DHCR24: variants seen among roughly 807,000 people sequenced by gnomAD.
The protein encoded by DHCR24 is delta(24)-sterol reductase.
DHCR24 carries 28 observed loss-of-function variants against 61.2 expected under a neutral mutation model. That is an observed-to-expected ratio of 0.46 (90% CI 0.34 to 0.63). The LOEUF is 0.63. Ranked by LOEUF, DHCR24 falls within the 20% of genes least tolerant of loss-of-function variation. The pLI is 0.01. For missense variants in DHCR24, 538 were observed against 679.1 expected, an observed-to-expected ratio of 0.79 and a Z score of 2.31; for synonymous variants, 261 against 275.9, an observed-to-expected ratio of 0.95 and a Z score of 0.54.
At chr1:54,861,288 T>A (rs991006005) in intron 6 of DHCR24, among the ~76,000 whole-genome samples, 5 of 152,220 alleles carry the variant, frequency 3.3e-5, no homozygotes, top group African/African-American at 1.2e-4. Context: ...GCTGTTTCCA[T>A]GTGGCAGATC....
intron 4 of DHCR24, 26 bp from the exon 5 acceptor site, chr1:54,871,639 G>C (rs1647000625): frequency 1.2e-6 from 2 of 1,613,976 alleles, no homozygotes; most frequent in African/African-American, 1.3e-5. Context: ...GATGTGTTGT[G>C]AGCTGAAACC....
chr1:54,875,822 T>G, intron 3 of DHCR24, 120 bp downstream of exon 3: 1 of 793,190 alleles, frequency 1.3e-6, no homozygotes, highest in Non-Finnish European at 2.2e-6. Context: ...AGAGACTGAA[T>G]GACTTCTGTC....
rs185051931 is a variant in DHCR24, at chr1:54,878,660, C to G, written c.388-2613G>C. Among the ~76,000 whole-genome samples the G allele has an allele frequency of 1.0e-3, 154 of 151,654 alleles. 3 individuals carry two copies. In the East Asian group the frequency reaches 0.023, roughly 23 times the overall value. On this transcript the variant is annotated intron_variant, in intron 2 of 8. Transcript: ENST00000371269. ...CACTGTGTAGAGTACTCAAAATGAT[C>G]TTGCCTCATAATAAACTCAAGATTA...
At chr1:54,880,787 C>A (rs1372834409) in intron 2 of DHCR24, among the ~76,000 whole-genome samples, 1 of 127,054 alleles carries the variant, frequency 7.9e-6, no homozygotes, top group East Asian at 2.2e-4. Context: ...TATAAACAAA[C>A]AAACAAACAA....
intron 5 of DHCR24, among the ~76,000 whole-genome samples, chr1:54,866,707 C>A (rs1399029609): frequency 6.6e-6 from 1 of 152,208 alleles, no homozygotes; most frequent in Non-Finnish European, 1.5e-5. Flanking sequence ...GGATCTCTGG[C>A]CTCCAGCACT....
chr1:54,886,856 C>G lies in DHCR24; in HGVS notation c.231+33G>C, dbSNP rs754819597. 18 of 1,606,926 alleles carry G rather than the reference C, an allele frequency of 1.1e-5. No homozygotes were observed. In the Admixed American group the frequency reaches 3.0e-4, roughly 27 times the overall value. On this transcript the variant is annotated intron_variant, in intron 1 of 8. Coordinates refer to ENST00000371269, the MANE Select transcript of DHCR24 (RefSeq NM_014762.4). The stretch of plus-strand genomic sequence containing the variant: ...CTATCCCCGCGCACGCCGCCTCCGG[C>G]CCTGAGTCCCGGCCGCACCCGGCGC...
intron 4 of DHCR24, 119 bp downstream of exon 4, chr1:54,874,974 T>C (rs1647018632): frequency 2.3e-6 from 2 of 887,570 alleles, no homozygotes; most frequent in Non-Finnish European, 1.9e-6. Flanking sequence ...TTTACAGATA[T>C]AGACCCAGAC....
intron 6 of DHCR24, among the ~76,000 whole-genome samples, chr1:54,862,233 G>T (rs150520914): frequency 6.6e-6 from 1 of 151,986 alleles, no homozygotes; most frequent in African/African-American, 2.4e-5. Context: ...CCCCACACCC[G>T]CCTCCAGCCA....
chr1:54,879,568 C>T lies in DHCR24; in HGVS notation c.388-3521G>A, dbSNP rs74072043. 5.7e-3 allele frequency among the ~76,000 whole-genome samples: 865 copies of T among 152,196 alleles called. 5 individuals are homozygous for T. Among genetic ancestry groups the T allele is most frequent in the African/African-American group, 0.019 (796 of 41,532 alleles). ...TGTAGAACAACTTGAAATGGCCTAG[C>T]TGTCTCTAAACTAGATGAGAAAAAG... On this transcript the variant is annotated intron_variant, in intron 2 of 8. Transcript: ENST00000371269.
chr1:54,861,151 G>C (rs1332666050), intron 6 of DHCR24, among the ~76,000 whole-genome samples: 1 of 152,106 alleles, frequency 6.6e-6, no homozygotes, highest in Non-Finnish European at 1.5e-5. Flanking sequence ...CCTGGAGGAG[G>C]GGACAGAAAT....
At position 54,878,358 on chromosome 1, in the gene DHCR24, C is replaced by CA. The variant is rs1570200341; in HGVS notation, c.388-2312dup. Among the ~76,000 whole-genome samples, 4 of 147,518 alleles carry CA rather than the reference C, an allele frequency of 2.7e-5. No homozygotes were observed. The East Asian group carries it at 8.0e-4, about 29-fold the overall frequency. ...CCGCCTCTGCTAAAAAAAAAAAATA[C>CA]AAAAAATTAGCTGGGCGTGGTGGTG... On this transcript the variant is annotated intron_variant, in intron 2 of 8. Transcript: ENST00000371269.
At chr1:54,864,568 G>C (rs980509070) in intron 6 of DHCR24, among the ~76,000 whole-genome samples, 2 of 152,162 alleles carry the variant, frequency 1.3e-5, no homozygotes, top group African/African-American at 4.8e-5. Flanking sequence ...TGGGTATAGG[G>C]TTTCCTTTTC....
Position 54,877,553 on chromosome 1 carries a change from C to T in DHCR24, c.388-1506G>A, listed in dbSNP as rs187937600. Among the ~76,000 whole-genome samples, 10 of 151,382 alleles carry T rather than the reference C, an allele frequency of 6.6e-5. No homozygotes were observed. In the East Asian group the frequency reaches 1.2e-3, roughly 18 times the overall value. ...GGAGGACTGCTTGAGGCCAGGGGTT[C>T]GAGACCAGCCAGGACAACATAGCAA... On this transcript the variant is annotated intron_variant, in intron 2 of 8. Transcript: ENST00000371269.
In DHCR24 at chr1:54,865,284, A is replaced by G; in HGVS notation, c.1020+19T>C. ...CAGCTGGCCTGGAGGAGCCAGGGCT[A>G]CAGAAACCTAAGCCTCACCTGGAGC... On this transcript the variant is annotated intron_variant, in intron 6 of 8. Coordinates refer to ENST00000371269, the MANE Select transcript of DHCR24 (RefSeq NM_014762.4). The G allele has an allele frequency of 6.2e-7, 1 of 1,609,558 alleles. No homozygotes were observed. Among genetic ancestry groups the G allele is most frequent in the Non-Finnish European group, 8.5e-7 (1 of 1,178,034 alleles).
chr1:54,876,141 C>A, intron 2 of DHCR24, 94 bp from the exon 3 acceptor site: 1 of 896,242 alleles, frequency 1.1e-6, no homozygotes, highest in Non-Finnish European at 1.9e-6. Flanking sequence ...CAAACCTTCC[C>A]AAACACTCAC....
chr1:54,879,330 A>AGT (rs1557439364), intron 2 of DHCR24, among the ~76,000 whole-genome samples: 4 of 91,036 alleles, frequency 4.4e-5, no homozygotes, highest in Admixed American at 1.2e-4. Context: ...CTGAAAAAAA[A>AGT]AAAAAAAAAA....
intron 2 of DHCR24, among the ~76,000 whole-genome samples, chr1:54,878,536 A>G (rs959009273): frequency 4.6e-5 from 7 of 150,942 alleles, no homozygotes; most frequent in African/African-American, 1.7e-4. Flanking sequence ...AAAAAAAAAA[A>G]AAAAAAAGAT....
At chr1:54,866,469 C>T (rs1014861421) in intron 5 of DHCR24, among the ~76,000 whole-genome samples, 7 of 152,060 alleles carry the variant, frequency 4.6e-5, no homozygotes, top group African/African-American at 1.7e-4. Context: ...CTGCCTCAGC[C>T]TCCTGAAAAA....
At chr1:54,856,348 A>G (rs993172687) in intron 6 of DHCR24, among the ~76,000 whole-genome samples, 5 of 152,256 alleles carry the variant, frequency 3.3e-5, no homozygotes, top group Non-Finnish European at 4.4e-5. Context: ...CTGTAATCCC[A>G]GCGCTTTGGG....
Sources: gnomAD v4.1 joint callset for allele counts (sites outside exome capture counted in the v4.1 genomes callset) on GRCh38, gnomAD v4.1.1 for gene constraint, MANE v1.5 for transcripts, NCBI Gene and HGNC (gene_info 2026-07-23, HGNC 2026-07-21) for gene names.